The following TENM3 variants were observed in gnomAD, a reference collection of about 807,000 sequenced individuals.
The protein encoded by TENM3 is teneurin-3.
Under a neutral mutation model 255.1 loss-of-function variants are expected in TENM3, and 63 were observed. The ratio of observed to expected loss-of-function variants is 0.25; its 90% CI spans 0.20 to 0.30. The LOEUF is 0.30. TENM3 is among the 10% of genes least tolerant of loss of function. The pLI, the probability that TENM3 is intolerant of heterozygous loss-of-function variation, is 1.00. For missense variants in TENM3, 2,929 were observed against 3,461.1 expected, an observed-to-expected ratio of 0.85 and a Z score of 3.86; for synonymous variants, 1,306 against 1,322.3, an observed-to-expected ratio of 0.99 and a Z score of 0.27.
the TENM3 span, among the ~76,000 whole-genome samples, chr4:181,488,575 G>C: frequency 1.1e-3 from 162 of 152,044 alleles, no homozygotes; most frequent in African/African-American, 3.8e-3. Context: ...CAGAACTTTT[G>C]GTAAACAAGT....
chr4:182,064,514 C>T, the TENM3 span, among the ~76,000 whole-genome samples: 2 of 151,728 alleles, frequency 1.3e-5, no homozygotes, highest in African/African-American at 2.4e-5. Context: ...ACCCGGGAGG[C>T]GGAGCTTGCA....
chr4:181,949,794 C>T, the TENM3 span, among the ~76,000 whole-genome samples: 67 of 152,222 alleles, frequency 4.4e-4, no homozygotes, highest in African/African-American at 1.5e-3. Context: ...CTCAGTCCTC[C>T]TCAGTCCTCC....
chr4:181,559,623 A>G, the TENM3 span, among the ~76,000 whole-genome samples: 3 of 152,258 alleles, frequency 2.0e-5, no homozygotes. Flanking sequence ...AGTGCCTGGC[A>G]TATACTAAGT....
At chr4:182,018,287 T>G in the TENM3 span, among the ~76,000 whole-genome samples, 2 of 152,206 alleles carry the variant, frequency 1.3e-5, no homozygotes, top group Non-Finnish European at 2.9e-5. Flanking sequence ...CCACCCTGAT[T>G]AGCCAATGCT....
chr4:181,473,820 G>A, the TENM3 span, among the ~76,000 whole-genome samples: 16 of 94,290 alleles, frequency 1.7e-4, no homozygotes, highest in East Asian at 8.8e-4. Flanking sequence ...CACACATGCA[G>A]TATATATGTA....
At chr4:182,007,098 T>C in the TENM3 span, among the ~76,000 whole-genome samples, 3 of 152,180 alleles carry the variant, frequency 2.0e-5, no homozygotes, top group Admixed American at 6.5e-5. Flanking sequence ...GGAGACTCTT[T>C]GTTATGATTT....
At chr4:182,555,412 T>G (rs937996316) in intron 3 of TENM3, among the ~76,000 whole-genome samples, 1 of 152,164 alleles carries the variant, frequency 6.6e-6, no homozygotes. Flanking sequence ...TGAAAAAAAA[T>G]AGTTGCCTAG....
intron 3 of TENM3, among the ~76,000 whole-genome samples, chr4:182,420,887 G>A (rs1770784843): frequency 6.6e-6 from 1 of 151,984 alleles, no homozygotes; most frequent in South Asian, 2.1e-4. Flanking sequence ...GTTTTCTTAT[G>A]TCCTTATCAT....
At chr4:181,855,129 G>T in the TENM3 span, among the ~76,000 whole-genome samples, 2 of 152,300 alleles carry the variant, frequency 1.3e-5, no homozygotes, top group East Asian at 3.9e-4. Context: ...GAGGGAAGAA[G>T]ATGATATTCA....
chr4:181,902,520 C>G, the TENM3 span, among the ~76,000 whole-genome samples: 10 of 152,162 alleles, frequency 6.6e-5, no homozygotes, highest in Non-Finnish European at 1.5e-4. Flanking sequence ...TTGGAACCAA[C>G]CCAAATGCCC....
chr4:182,338,409 T>A (rs556239874), intron 2 of TENM3, among the ~76,000 whole-genome samples: 178 of 152,290 alleles, frequency 1.2e-3, no homozygotes, highest in Non-Finnish European at 2.6e-4. Flanking sequence ...TGGGACCAGA[T>A]CTTCAAATAT....
chr4:182,218,749 G>C (rs560950405), intron 1 of TENM3, among the ~76,000 whole-genome samples: 1 of 152,220 alleles, frequency 6.6e-6, no homozygotes, highest in African/African-American at 2.4e-5. Context: ...CAAATATATT[G>C]AAAGTGCACA....
At chr4:181,523,781 G>A in the TENM3 span, among the ~76,000 whole-genome samples, 2 of 152,232 alleles carry the variant, frequency 1.3e-5, no homozygotes, top group Middle Eastern at 3.4e-3. Context: ...TCTCCTATGC[G>A]CCACAAAGTA....
chr4:182,598,365 T>C (rs1018257016), intron 3 of TENM3, among the ~76,000 whole-genome samples: 1 of 152,208 alleles, frequency 6.6e-6, no homozygotes, highest in Non-Finnish European at 1.5e-5. Context: ...AGCACACTGC[T>C]GCACTAGCCT....
intron 3 of TENM3, among the ~76,000 whole-genome samples, chr4:182,421,494 C>T (rs1419874737): frequency 2.0e-5 from 3 of 152,144 alleles, no homozygotes; most frequent in African/African-American, 7.2e-5. Context: ...CCCTTTGTTG[C>T]TCAGAAATAT....
At chr4:182,612,689 C>A (rs1251957139) in intron 4 of TENM3, among the ~76,000 whole-genome samples, 1 of 152,050 alleles carries the variant, frequency 6.6e-6, no homozygotes, top group African/African-American at 2.4e-5. Flanking sequence ...TAACCTTTGA[C>A]AAGTTCAGTA....
the TENM3 span, among the ~76,000 whole-genome samples, chr4:182,082,180 G>A: frequency 2.6e-5 from 4 of 152,178 alleles, no homozygotes; most frequent in Non-Finnish European, 5.9e-5. Context: ...CCAAGATCAA[G>A]GTGCCAGCAG....
At chr4:182,444,352 T>C (rs1296709982) in intron 3 of TENM3, among the ~76,000 whole-genome samples, 1 of 152,234 alleles carries the variant, frequency 6.6e-6, no homozygotes, top group East Asian at 1.9e-4. Flanking sequence ...ATCTAACTAA[T>C]GTACCATTAT....
chr4:181,750,054 G>A, the TENM3 span, among the ~76,000 whole-genome samples: 1 of 152,204 alleles, frequency 6.6e-6, no homozygotes, highest in African/African-American at 2.4e-5. Flanking sequence ...ACAGAGATGA[G>A]TTTGTCCACC....
Sources: gnomAD v4.1 joint callset for allele counts (sites outside exome capture counted in the v4.1 genomes callset) on GRCh38, gnomAD v4.1.1 for gene constraint, MANE v1.5 for transcripts, NCBI Gene and HGNC (gene_info 2026-07-23, HGNC 2026-07-21) for gene names.